Variants in GNPTAB observed in about 807,000 individuals in gnomAD.
GNPTAB encodes the protein N-acetylglucosamine-1-phosphate transferase subunits alpha and beta, also known as N-acetylglucosamine-1-phosphotransferase subunits alpha/beta.
A neutral mutation model predicts 136.6 loss-of-function variants in GNPTAB; 92 were observed. The observed-to-expected ratio is 0.67, with a 90% CI of 0.57 to 0.80. The LOEUF is 0.80. Ranked by LOEUF, GNPTAB falls within the 30% of genes least tolerant of loss-of-function variation. The pLI, the probability that GNPTAB is intolerant of heterozygous loss-of-function variation, is 0.00. For missense variants in GNPTAB, 1,343 were observed against 1,501.8 expected (o/e 0.89, Z 1.75); for synonymous variants, 512 against 535.1 (o/e 0.96, Z 0.60).
intron 12 of GNPTAB, chr12:101,765,581 T>C (rs912294890): frequency 2.3e-6 from 1 of 442,746 alleles, no homozygotes; most frequent in African/African-American, 2.0e-5. Context: ...GTTACTGGTA[T>C]AGGGCTTATT....
rs560811454 is a variant in GNPTAB at position 101,820,751 on chromosome 12, A to G, written c.117+9808T>C. Among the ~76,000 whole-genome samples, 17 of 152,290 alleles carry G rather than the reference A, an allele frequency of 1.1e-4. 1 individual carries two copies. In the South Asian group the frequency reaches 3.5e-3, roughly 32 times the overall value. ...TTACCCTCTACGGTTGAACTCAAAC[A>G]GCATCAAGCAAGAAAGCATCTCCCA... On this transcript the variant is annotated intron_variant, in intron 1 of 20. Coordinates refer to ENST00000299314, the MANE Select transcript of GNPTAB (RefSeq NM_024312.5).
intron 18 of GNPTAB, chr12:101,756,547 T>C (rs1370555318): frequency 5.9e-6 from 2 of 340,438 alleles, no homozygotes; most frequent in South Asian, 4.3e-5. Context: ...GCATTCCAGC[T>C]TGGACAACAG....
At position 101,830,706 on chromosome 12, in the gene GNPTAB, G is replaced by A. The variant is rs1396561526; in HGVS notation, c.-31C>T. On this transcript the variant is annotated 5_prime_UTR_variant, in exon 1 of 21. Coordinates refer to ENST00000299314, the MANE Select transcript of GNPTAB (RefSeq NM_024312.5). ...CTTCACCGCCACGCCACGCCCCGAG[G>A]AGCCTGAGCCGCCGCCGCCGCCGCC... is the stretch of plus-strand genomic sequence containing the variant. 2 of 1,384,618 alleles carry A rather than the reference G, an allele frequency of 1.4e-6. No homozygotes were observed. The highest frequency in any genetic ancestry group is 9.9e-7 in the Non-Finnish European group (1 of 1,005,202). 85.8% of individuals were successfully genotyped at this position (1,384,618 alleles called of 1,614,324 possible).
In GNPTAB at chr12:101,747,170, T is replaced by G. The variant is rs1264177273; in HGVS notation, c.3765A>C (p.Arg1255Ser). 1 of 1,562,966 alleles carries G rather than the reference T, an allele frequency of 6.4e-7. No homozygotes were observed. The highest frequency in any genetic ancestry group is 8.8e-7 in the Non-Finnish European group (1 of 1,133,434). The change falls in exon 21 of 21, where the codon AGA (arginine) becomes AGC (serine). Residue 1255 changes from arginine to serine, a missense_variant. Physicochemically the swap from Arg to Ser is moderately radical, Grantham distance 110. Transcript: ENST00000299314. ...GTTTTCAAATGAAGATCTTCTATAC[T>G]CTGATTCGATTGGGACTAGCTTCTT... ...IHKEASPNRI[R>S]V
chr12:101,820,271 T>C (rs1594261258), intron 1 of GNPTAB, among the ~76,000 whole-genome samples: 2 of 152,212 alleles, frequency 1.3e-5, no homozygotes, highest in East Asian at 3.8e-4. Context: ...CGAGAGCAAA[T>C]GAACTTGTCT....
At chr12:101,789,071 A>T (rs1868833294) in intron 3 of GNPTAB, among the ~76,000 whole-genome samples, 1 of 152,238 alleles carries the variant, frequency 6.6e-6, no homozygotes, top group South Asian at 2.1e-4. Context: ...AATGGAAACA[A>T]GTCTGTGGGC....
chr12:101,807,985 C>T (rs924740706), intron 1 of GNPTAB, among the ~76,000 whole-genome samples: 1 of 152,044 alleles, frequency 6.6e-6, no homozygotes, highest in African/African-American at 2.4e-5. Flanking sequence ...CTAAAATACA[C>T]AATACAATTT....
At chr12:101,765,458 G>A in intron 12 of GNPTAB, 154 bp from the exon 13 acceptor site, 1 of 645,402 alleles carries the variant, frequency 1.5e-6, no homozygotes, top group Non-Finnish European at 2.7e-6. Flanking sequence ...CAGGGGCCAT[G>A]CTAATGCCTA....
At position 101,830,664 on chromosome 12, in the gene GNPTAB, C is replaced by G; in HGVS notation, c.12G>C (p.Lys4Asn). The G allele has an allele frequency of 6.3e-7, 1 of 1,597,740 alleles. No homozygotes were observed. Among genetic ancestry groups the G allele is most frequent in the East Asian group, 2.2e-5 (1 of 44,664 alleles). Reference protein sequence around the residue: MLFKLLQRQTYTCL... With the variant: MLFNLLQRQTYTCL... ...AGGTATAGGTCTGTCTCTGCAGGAG[C>G]TTGAACAGCATCACCCCTTCACCGC... Residue 4 changes from lysine to asparagine, a missense_variant, in exon 1 of 21, where the codon AAG (lysine) becomes AAC (asparagine). Physicochemically the swap from Lys to Asn is moderately conservative, Grantham distance 94 (BLOSUM62 0). Coordinates refer to ENST00000299314, the MANE Select transcript of GNPTAB (RefSeq NM_024312.5).
At chr12:101,797,827 A>G (rs1008069950) in intron 1 of GNPTAB, among the ~76,000 whole-genome samples, 18 of 152,144 alleles carry the variant, frequency 1.2e-4, no homozygotes, top group African/African-American at 4.3e-4. Flanking sequence ...CATTCCTCTT[A>G]CCACAGAGGA....
chr12:101,758,037 A>ATT (rs565284497), intron 16 of GNPTAB, among the ~76,000 whole-genome samples: 9 of 126,224 alleles, frequency 7.1e-5, no homozygotes, highest in South Asian at 2.5e-4. Flanking sequence ...TCATAGTCTC[A>ATT]TTTTTTTTTT....
Position 101,770,591 on chromosome 12 carries a change from A to G in GNPTAB, c.934-6T>C, listed in dbSNP as rs763360090. The stretch of plus-strand genomic sequence containing the variant: ...ATGTCTTCATCCTGCTTAGACTGAG[A>G]AAAACACTTGGCATATGAAGATGTG... On this transcript the variant is annotated splice_polypyrimidine_tract_variant and splice_region_variant and intron_variant, in intron 8 of 20. Transcript: ENST00000299314. 1.2e-6 allele frequency: 2 copies of G among 1,607,878 alleles called. No individual in the cohort carries two copies. The highest frequency in any genetic ancestry group is 8.5e-7 in the Non-Finnish European group (1 of 1,174,586).
chr12:101,787,022 T>C (rs1484092715), intron 4 of GNPTAB, among the ~76,000 whole-genome samples: 2 of 152,230 alleles, frequency 1.3e-5, no homozygotes, highest in South Asian at 2.1e-4. Flanking sequence ...GTTGGTAATA[T>C]ATACATGTAT....
chr12:101,772,171 T>G (rs1283394400), intron 7 of GNPTAB, among the ~76,000 whole-genome samples: 1 of 152,214 alleles, frequency 6.6e-6, no homozygotes, highest in Non-Finnish European at 1.5e-5. Context: ...TGACTCTGTA[T>G]CACACAACTT....
chr12:101,758,262 C>T (rs1180319779), intron 16 of GNPTAB, among the ~76,000 whole-genome samples: 1 of 152,162 alleles, frequency 6.6e-6, no homozygotes, highest in Non-Finnish European at 1.5e-5. Context: ...TGGTCTCGAA[C>T]TCCTGACCTC....
At chr12:101,813,480 T>C (rs1489089236) in intron 1 of GNPTAB, among the ~76,000 whole-genome samples, 1 of 152,234 alleles carries the variant, frequency 6.6e-6, no homozygotes, top group African/African-American at 2.4e-5. Flanking sequence ...TTATGTGCAA[T>C]GAACATGATA....
At chr12:101,810,466 C>CACACACATAT (rs371491733) in intron 1 of GNPTAB, 1 of 142,354 alleles carries the variant, frequency 7.0e-6, no homozygotes, top group African/African-American at 2.6e-5. Context: ...CACACACACA[C>CACACACATAT]ACATATATAT....
chr12:101,820,288 C>T (rs1383848164), intron 1 of GNPTAB, among the ~76,000 whole-genome samples: 1 of 152,320 alleles, frequency 6.6e-6, no homozygotes, highest in African/African-American at 2.4e-5. Context: ...GTCTATCTCG[C>T]TTACTTTTGT....
At chr12:101,782,417 G>A (rs952996809) in intron 5 of GNPTAB, among the ~76,000 whole-genome samples, 35 of 152,142 alleles carry the variant, frequency 2.3e-4, no homozygotes, top group African/African-American at 8.4e-4. Flanking sequence ...CAGAAGTAAA[G>A]TACGTCGAAT....
Sources: allele counts gnomAD v4.1 joint callset (sites outside exome capture counted in the v4.1 genomes callset), GRCh38; gene constraint gnomAD v4.1.1; transcripts MANE v1.5; gene names NCBI Gene and HGNC (gene_info 2026-07-23, HGNC 2026-07-21).